The following DENND4A variants were observed in gnomAD, a reference collection of about 807,000 sequenced individuals.
DENND4A encodes the protein C-myc promoter-binding protein.
Under a neutral mutation model 199.3 loss-of-function variants are expected in DENND4A, and 70 were observed. The ratio of observed to expected loss-of-function variants is 0.35; its 90% CI spans 0.29 to 0.43. The LOEUF is 0.43. DENND4A is among the 20% of genes least tolerant of loss of function. The probability of loss-of-function intolerance (pLI) is 1.00; values close to 1 mark genes in which losing one functional copy is unlikely to be tolerated. For missense variants in DENND4A, 1,723 were observed against 2,255.8 expected, an observed-to-expected ratio of 0.76 and a Z score of 4.78; for synonymous variants, 686 against 766.9, an observed-to-expected ratio of 0.89 and a Z score of 1.74.
intron 1 of DENND4A, among the ~76,000 whole-genome samples, chr15:65,782,627 C>G (rs2077462793): frequency 6.6e-6 from 1 of 151,996 alleles, no homozygotes; most frequent in South Asian, 2.1e-4. Flanking sequence ...AACACACACA[C>G]ATACACACAT....
chr15:65,706,263 T>C, intron 14 of DENND4A, 39 bp from the exon 15 acceptor site: 1 of 1,445,064 alleles, frequency 6.9e-7, no homozygotes. Flanking sequence ...AAAAGCCACA[T>C]TGGTTAGCCA....
At chr15:65,702,281 TAAC>T (rs1567022810) in intron 17 of DENND4A, 21 bp downstream of exon 17, 8 of 1,536,640 alleles carry the variant, frequency 5.2e-6, no homozygotes, top group Admixed American at 3.9e-5. Context: ...AAAAATAAAA[TAAC>T]AACAATAAAA....
intron 11 of DENND4A, among the ~76,000 whole-genome samples, chr15:65,728,700 G>C (rs1163382751): frequency 1.3e-5 from 2 of 151,794 alleles, no homozygotes; most frequent in African/African-American, 4.8e-5. Flanking sequence ...TGTTGGTCAG[G>C]CTGGTCTCAA....
chr15:65,701,962 C>A, intron 17 of DENND4A, 72 bp from the exon 18 acceptor site: 5 of 1,583,228 alleles, frequency 3.2e-6, no homozygotes, highest in Non-Finnish European at 4.3e-6. Flanking sequence ...TAAAATAATG[C>A]ATTTTAAACA....
At chr15:65,738,408 C>T (rs2076169669) in intron 6 of DENND4A, among the ~76,000 whole-genome samples, 1 of 151,898 alleles carries the variant, frequency 6.6e-6, no homozygotes, top group African/African-American at 2.4e-5. Flanking sequence ...TTCTAAATTG[C>T]ATTATATATT....
chr15:65,666,608 T>C (rs2076045155), intron 29 of DENND4A, among the ~76,000 whole-genome samples: 1 of 152,074 alleles, frequency 6.6e-6, no homozygotes, highest in Admixed American at 6.6e-5. Context: ...GCTGTATAGA[T>C]ATCCTTAAAA....
chr15:65,743,079 G>A (rs1393373570), intron 4 of DENND4A, among the ~76,000 whole-genome samples: 1 of 152,032 alleles, frequency 6.6e-6, no homozygotes, highest in Admixed American at 6.5e-5. Flanking sequence ...CTAGTACCCT[G>A]GATTGCAATA....
intron 2 of DENND4A, among the ~76,000 whole-genome samples, chr15:65,760,248 G>A (rs1366992607): frequency 6.6e-6 from 1 of 152,196 alleles, no homozygotes; most frequent in Non-Finnish European, 1.5e-5. Flanking sequence ...TGTAATCCCA[G>A]CACTTTGGAA....
At chr15:65,739,534 T>C (rs2076198803) in intron 5 of DENND4A, among the ~76,000 whole-genome samples, 1 of 152,186 alleles carries the variant, frequency 6.6e-6, no homozygotes, top group South Asian at 2.1e-4. Context: ...TTGTACCTCA[T>C]TTTGTGGAAC....
intron 4 of DENND4A, among the ~76,000 whole-genome samples, chr15:65,750,334 G>A (rs1304409839): frequency 2.0e-5 from 3 of 152,128 alleles, no homozygotes; most frequent in Non-Finnish European, 2.9e-5. Context: ...GACTACTAGA[G>A]GGGGAAGACA....
chr15:65,733,266 G>A (rs886999177), intron 7 of DENND4A, among the ~76,000 whole-genome samples: 1 of 151,914 alleles, frequency 6.6e-6, no homozygotes, highest in Non-Finnish European at 1.5e-5. Context: ...TTAATAATAC[G>A]TTAAAAATTA....
At chr15:65,771,144 G>A (rs942869739) in intron 1 of DENND4A, 31 of 1,552,408 alleles carry the variant, frequency 2.0e-5, no homozygotes, top group East Asian at 1.3e-4. Context: ...TAAAGAGTAC[G>A]CTAAAAGGTA....
chr15:65,747,262 T>C (rs2076428153), intron 4 of DENND4A, among the ~76,000 whole-genome samples: 1 of 152,204 alleles, frequency 6.6e-6, no homozygotes, highest in Non-Finnish European at 1.5e-5. Flanking sequence ...GTATGACCAC[T>C]CTAAGTTCTC....
rs140550204 is a variant in DENND4A at position 65,707,833 on chromosome 15, G to A, written c.1954-1609C>T. ...CCCAAGTAGCTGGGACTACAAGTGC[G>A]TGCCACCACACCCAGCTAATTTTTA... On this transcript the variant is annotated intron_variant, in intron 14 of 32. Coordinates refer to ENST00000443035, the MANE Select transcript of DENND4A (RefSeq NM_001320835.1). Among the ~76,000 whole-genome samples, 734 of 151,730 alleles carry A rather than the reference G, an allele frequency of 4.8e-3. 7 individuals carry two copies. Among genetic ancestry groups the A allele is most frequent in the African/African-American group, 0.017 (698 of 41,336 alleles).
Position 65,659,349 on chromosome 15 carries a change from T to TTTTTTTTTTTA in DENND4A, c.*2501_*2502insTAAAAAAAAAA, listed in dbSNP as rs1462514776. 7.1e-6 allele frequency: 1 copy of TTTTTTTTTTTA among 140,372 alleles called. No individual in the cohort carries two copies. The highest frequency in any genetic ancestry group is 2.8e-5 in the African/African-American group (1 of 35,838). The allele number at this position is 140,372 out of a possible 1,614,324, so 8.7% of individuals were successfully genotyped here. On this transcript the variant is annotated 3_prime_UTR_variant, in exon 33 of 33. Coordinates refer to ENST00000443035, the MANE Select transcript of DENND4A (RefSeq NM_001320835.1). The stretch of plus-strand genomic sequence containing the variant: ...TTTTTTTTTTTTTTTTTTTTTTTTT[T>TTTTTTTTTTTA]TTGAGACAGGGTCTTGCTCTGTAAT...
chr15:65,783,464 T>C (rs752076326), intron 1 of DENND4A, among the ~76,000 whole-genome samples: 20 of 152,212 alleles, frequency 1.3e-4, no homozygotes, highest in South Asian at 8.3e-4. Context: ...TGTGTATACA[T>C]ACATATATTT....
chr15:65,722,293 T>A (rs2075671534), intron 12 of DENND4A, among the ~76,000 whole-genome samples: 1 of 152,122 alleles, frequency 6.6e-6, no homozygotes, highest in Admixed American at 6.5e-5. Flanking sequence ...GGTAAGACCC[T>A]GTCTCTGTAA....
intron 29 of DENND4A, 144 bp from the exon 30 acceptor site, chr15:65,665,606 G>C (rs1016413166): frequency 1.8e-6 from 1 of 558,958 alleles, no homozygotes; most frequent in Non-Finnish European, 3.0e-6. Context: ...ATCTACATTT[G>C]ATATCTACTA....
At chr15:65,708,757 A>G (rs2075142940) in intron 14 of DENND4A, among the ~76,000 whole-genome samples, 1 of 152,240 alleles carries the variant, frequency 6.6e-6, no homozygotes, top group Admixed American at 6.5e-5. Context: ...TGGGAAACCA[A>G]GAAAAAATCT....
Sources: allele counts gnomAD v4.1 joint callset (sites outside exome capture counted in the v4.1 genomes callset), GRCh38; gene constraint gnomAD v4.1.1; transcripts MANE v1.5; gene names NCBI Gene and HGNC (gene_info 2026-07-23, HGNC 2026-07-21).